The following MME variants were observed in gnomAD, a reference collection of about 807,000 sequenced individuals.
The protein encoded by MME is neprilysin.
In MME, 98 loss-of-function variants were observed where a neutral mutation model predicts 113.2. The observed-to-expected ratio is 0.87, with a 90% CI of 0.74 to 1.02. The LOEUF (loss-of-function observed/expected upper bound fraction) is 1.02, where lower values mean the gene tolerates loss of function less well. Among genes scored for constraint, MME ranks in the 50% least tolerant of loss-of-function variants. MME has a pLI of 0.00. For missense variants in MME, 836 were observed against 896.0 expected, an observed-to-expected ratio of 0.93 and a Z score of 0.86; for synonymous variants, 292 against 300.6, an observed-to-expected ratio of 0.97 and a Z score of 0.30.
chr3:155,178,590 G>A (rs143889639), intron 22 of MME, among the ~76,000 whole-genome samples: 195 of 152,228 alleles, frequency 1.3e-3, no homozygotes, highest in African/African-American at 4.5e-3. Context: ...GTGCAGCAGT[G>A]AGCAAGACAT....
intron 1 of MME, among the ~76,000 whole-genome samples, chr3:155,037,821 C>T (rs1479603091): frequency 2.0e-5 from 3 of 151,966 alleles, no homozygotes; most frequent in Non-Finnish European, 2.9e-5. Flanking sequence ...CTTGATAGGA[C>T]CAGTTTTGGT....
intron 3 of MME, among the ~76,000 whole-genome samples, chr3:155,113,373 G>A (rs577877640): frequency 6.6e-6 from 1 of 152,252 alleles, no homozygotes; most frequent in African/African-American, 2.4e-5. Flanking sequence ...TCCACCTCCC[G>A]AGTTCAAGCT....
At chr3:155,064,237 C>T (rs1714310120) in intron 1 of MME, among the ~76,000 whole-genome samples, 2 of 151,818 alleles carry the variant, frequency 1.3e-5, no homozygotes, top group Non-Finnish European at 1.5e-5. Flanking sequence ...TGCAGTGAGC[C>T]GAGATCCTGC....
At chr3:155,039,799 C>G (rs1264142895) in intron 1 of MME, among the ~76,000 whole-genome samples, 1 of 151,978 alleles carries the variant, frequency 6.6e-6, no homozygotes, top group Non-Finnish European at 1.5e-5. Context: ...TATATTTTTT[C>G]TTCCCAGTTT....
upstream of MME, among the ~76,000 whole-genome samples, chr3:155,076,697 A>G (rs1455402920): frequency 2.0e-5 from 3 of 152,312 alleles, no homozygotes; most frequent in South Asian, 4.1e-4. Flanking sequence ...ACTTACAGTT[A>G]TTTCTTCATT....
At chr3:155,151,477 ATCT>A (rs1226714782) in intron 16 of MME, among the ~76,000 whole-genome samples, 1 of 152,136 alleles carries the variant, frequency 6.6e-6, no homozygotes, top group African/African-American at 2.4e-5. Context: ...ACTTCTCGAC[ATCT>A]TCTATCATCA....
At chr3:155,100,388 A>G (rs1229272610) in intron 3 of MME, among the ~76,000 whole-genome samples, 1 of 152,246 alleles carries the variant, frequency 6.6e-6, no homozygotes, top group Non-Finnish European at 1.5e-5. Context: ...CGATCATTAA[A>G]AAGTCAAGAA....
At chr3:155,038,268 T>C (rs1438713286) in intron 1 of MME, among the ~76,000 whole-genome samples, 3 of 152,126 alleles carry the variant, frequency 2.0e-5, no homozygotes, top group Non-Finnish European at 2.9e-5. Context: ...GCTTAGGCCA[T>C]GGCAGGACTA....
intron 18 of MME, among the ~76,000 whole-genome samples, chr3:155,167,367 G>A (rs566479491): frequency 6.6e-6 from 1 of 152,114 alleles, no homozygotes; most frequent in South Asian, 2.1e-4. Flanking sequence ...GCATGTCTAT[G>A]TCTTAAAATC....
At chr3:155,042,638 G>A (rs1713366651) in intron 1 of MME, among the ~76,000 whole-genome samples, 1 of 151,860 alleles carries the variant, frequency 6.6e-6, no homozygotes, top group South Asian at 2.1e-4. Context: ...GTGTATGAAT[G>A]TATCTATTTT....
At chr3:155,143,160 TA>T (rs1042216496) in intron 12 of MME, among the ~76,000 whole-genome samples, 4 of 152,310 alleles carry the variant, frequency 2.6e-5, no homozygotes, top group South Asian at 4.1e-4. Context: ...GTGCAGTGGT[TA>T]CAGTGTTGTA....
intron 13 of MME, among the ~76,000 whole-genome samples, 185 bp downstream of exon 13, chr3:155,143,756 A>G (rs1439713340): frequency 2.0e-5 from 3 of 152,112 alleles, no homozygotes; most frequent in Non-Finnish European, 4.4e-5. Flanking sequence ...GAGTCTAGTT[A>G]TGTTTCTGCT....
chr3:155,080,343 G>A lies in MME; in HGVS notation c.-134G>A, dbSNP rs1444629958. 6.6e-6 allele frequency: 1 copy of A among 152,406 alleles called. No individual in the cohort carries two copies. The highest frequency in any genetic ancestry group is 1.5e-5 in the Non-Finnish European group (1 of 68,252). The allele number at this position is 152,406 out of a possible 1,614,324, so 9.4% of individuals were successfully genotyped here. On this transcript the variant is annotated 5_prime_UTR_variant, in exon 1 of 23. Transcript: ENST00000360490. ...CATAGTTCCCTGCGGCCTCTGCCTT[G>A]GGGAGTTATGTTTTGTTACCGAGAT...
In MME at chr3:155,180,595, C is replaced by T. The variant is rs1707837395; in HGVS notation, c.*136C>T. On this transcript the variant is annotated 3_prime_UTR_variant, in exon 23 of 23. Coordinates refer to ENST00000360490, the MANE Select transcript of MME (RefSeq NM_007289.4). The stretch of plus-strand genomic sequence containing the variant: ...GTGATTAACAGAGAGGGCACCATCA[C>T]AATACAGATAACATTAGGTTGTCCT... 14 of 730,568 alleles carry T rather than the reference C, an allele frequency of 1.9e-5. No individual in the cohort carries two copies. The Admixed American group carries it at 2.8e-4, about 15-fold the overall frequency. The allele number at this position is 730,568 out of a possible 1,614,324, so 45.3% of individuals were successfully genotyped here. A position where few individuals can be genotyped will look rare whatever the true frequency, so the allele number is the denominator to read the frequency against.
intron 2 of MME, 160 bp downstream of exon 2, chr3:155,084,487 T>C: frequency 1.3e-6 from 1 of 759,738 alleles, no homozygotes; most frequent in Middle Eastern, 2.4e-4. Flanking sequence ...GTCAAAATAA[T>C]TAACTTTGAA....
intron 1 of MME, among the ~76,000 whole-genome samples, chr3:155,063,737 C>T (rs1433758164): frequency 7.3e-6 from 1 of 137,104 alleles, no homozygotes; most frequent in African/African-American, 2.8e-5. Flanking sequence ...GCTTTCTTCC[C>T]CCAAATGAGC....
At chr3:155,098,700 G>A (rs73010291) in intron 3 of MME, among the ~76,000 whole-genome samples, 14 of 152,140 alleles carry the variant, frequency 9.2e-5, no homozygotes, top group Middle Eastern at 3.4e-3. Flanking sequence ...GGGGTTACTC[G>A]AGATGAAGAT....
intron 1 of MME, among the ~76,000 whole-genome samples, chr3:155,038,721 G>A (rs1402647552): frequency 6.6e-6 from 1 of 152,002 alleles, no homozygotes; most frequent in Non-Finnish European, 1.5e-5. Flanking sequence ...TTACAATTTC[G>A]TGTATAGAAG....
At chr3:155,179,033 G>A (rs534114907) in intron 22 of MME, among the ~76,000 whole-genome samples, 1 of 152,296 alleles carries the variant, frequency 6.6e-6, no homozygotes, top group South Asian at 2.1e-4. Flanking sequence ...GATAGGGATA[G>A]TCCCTGTAAG....
Sources: gnomAD v4.1 joint callset for allele counts (sites outside exome capture counted in the v4.1 genomes callset) on GRCh38, gnomAD v4.1.1 for gene constraint, MANE v1.5 for transcripts, NCBI Gene and HGNC (gene_info 2026-07-23, HGNC 2026-07-21) for gene names.